The following PTPRM variants were observed in gnomAD, a reference collection of about 807,000 sequenced individuals.
PTPRM encodes the protein receptor-type tyrosine-protein phosphatase mu.
Under a neutral mutation model 186.7 loss-of-function variants are expected in PTPRM, and 47 were observed. The observed-to-expected ratio is 0.25, with a 90% CI of 0.20 to 0.32. The LOEUF (loss-of-function observed/expected upper bound fraction) is 0.32. PTPRM is among the 10% of genes least tolerant of loss of function. The pLI, the probability that PTPRM is intolerant of heterozygous loss-of-function variation, is 1.00. For synonymous variants in PTPRM, 668 were observed against 674.9 expected, an observed-to-expected ratio of 0.99 and a Z score of 0.16; for missense variants, 1,494 against 1,865.0, an observed-to-expected ratio of 0.80 and a Z score of 3.66.
intron 2 of PTPRM, among the ~76,000 whole-genome samples, chr18:7,849,033 C>G (rs998579542): frequency 3.3e-5 from 5 of 152,070 alleles, no homozygotes; most frequent in African/African-American, 1.2e-4. Context: ...CTTTTCCTCT[C>G]CCCTGCCACA....
Position 8,343,445 on chromosome 18 carries a change from T to TG in PTPRM, c.2980dup (p.Asp994GlyfsTer35). On this transcript the variant is annotated frameshift_variant, in exon 23 of 33. Transcript: ENST00000580170. LOFTEE classifies it high-confidence loss of function. ...CAGGGCCAATGCAGGAAACCATCTA[T>TG]GACTTCTGGAGGATGGTGTGGCACG... The TG allele has an allele frequency of 6.2e-7, 1 of 1,613,936 alleles. No homozygotes were observed. The highest frequency in any genetic ancestry group is 8.5e-7 in the Non-Finnish European group (1 of 1,179,918).
At chr18:7,919,785 G>T (rs550762226) in intron 4 of PTPRM, among the ~76,000 whole-genome samples, 2 of 152,096 alleles carry the variant, frequency 1.3e-5, no homozygotes, top group African/African-American at 4.8e-5. Flanking sequence ...CTGTCTGAAT[G>T]ATTGGTCTGT....
At chr18:7,984,682 TTA>T (rs71354584) in intron 7 of PTPRM, among the ~76,000 whole-genome samples, 43,267 of 126,586 alleles carry the variant, frequency 0.34, 8,131 homozygotes, top group Non-Finnish European at 0.43. Flanking sequence ...ACATATATAA[TTA>T]TATATATACA....
rs200251579 is a variant in PTPRM, at chr18:7,651,559, G to C, written c.73+83668G>C. ...GTACTGGTACCAAAACAGAGATATAGATCAATGGAACAGAACAGAGCCCTC... is the reference window on the plus strand; with the variant it reads ...GTACTGGTACCAAAACAGAGATATACATCAATGGAACAGAACAGAGCCCTC... On this transcript the variant is annotated intron_variant, in intron 1 of 32. Coordinates refer to ENST00000580170, the MANE Select transcript of PTPRM (RefSeq NM_001105244.2). Among the ~76,000 whole-genome samples the C allele has an allele frequency of 2.6e-5, 4 of 151,918 alleles. No homozygotes were observed. The East Asian group carries it at 7.8e-4, about 29-fold the overall frequency.
intron 19 of PTPRM, among the ~76,000 whole-genome samples, chr18:8,269,701 A>G (rs2147608464): frequency 6.6e-6 from 1 of 152,182 alleles, no homozygotes. Flanking sequence ...AGACCAATGG[A>G]ACAGAATTAG....
intron 26 of PTPRM, chr18:8,377,833 ACTT>A (rs1315600369): frequency 6.5e-6 from 1 of 154,116 alleles, no homozygotes; most frequent in African/African-American, 2.4e-5. Context: ...TGAAATAAGA[ACTT>A]CTAAGTACTT....
chr18:7,852,813 A>G (rs1162598132), intron 2 of PTPRM, among the ~76,000 whole-genome samples: 1 of 152,228 alleles, frequency 6.6e-6, no homozygotes, highest in African/African-American at 2.4e-5. Context: ...GCACTGAACT[A>G]TGATCACACC....
intron 2 of PTPRM, among the ~76,000 whole-genome samples, chr18:7,824,527 T>C (rs1473231821): frequency 6.6e-6 from 1 of 152,206 alleles, no homozygotes; most frequent in East Asian, 1.9e-4. Context: ...GCTCGTTTTT[T>C]CCCCTTGTAA....
chr18:8,071,242 A>G (rs1006720676), intron 8 of PTPRM, among the ~76,000 whole-genome samples: 6 of 152,146 alleles, frequency 3.9e-5, no homozygotes, highest in Admixed American at 3.9e-4. Context: ...TGGTGTCCAC[A>G]TTGTCATCAA....
intron 2 of PTPRM, among the ~76,000 whole-genome samples, chr18:7,858,704 A>T (rs1297038106): frequency 6.6e-6 from 1 of 152,214 alleles, no homozygotes; most frequent in Admixed American, 6.5e-5. Context: ...TTTGGAGAGA[A>T]GTCTTGAAAT....
chr18:8,005,112 G>A (rs1015055990), intron 7 of PTPRM, among the ~76,000 whole-genome samples: 2 of 152,156 alleles, frequency 1.3e-5, no homozygotes, highest in African/African-American at 4.8e-5. Context: ...TTTAAAGAAT[G>A]GTCCTTTGGG....
At chr18:8,156,225 C>T (rs1312818949) in intron 14 of PTPRM, among the ~76,000 whole-genome samples, 2 of 152,130 alleles carry the variant, frequency 1.3e-5, no homozygotes, top group East Asian at 1.9e-4. Context: ...TATTTCTTGA[C>T]TCAACCTAAT....
chr18:7,929,188 C>T (rs944579726), intron 5 of PTPRM, among the ~76,000 whole-genome samples: 1 of 152,164 alleles, frequency 6.6e-6, no homozygotes, highest in African/African-American at 2.4e-5. Flanking sequence ...AAATACAACA[C>T]ACATTCTAAA....
intron 5 of PTPRM, among the ~76,000 whole-genome samples, chr18:7,934,526 T>G (rs1244350544): frequency 1.3e-5 from 2 of 152,240 alleles, no homozygotes; most frequent in East Asian, 1.9e-4. Flanking sequence ...TTCACTGATC[T>G]ACCATAGAAT....
At chr18:7,629,229 G>C (rs2038133334) in intron 1 of PTPRM, among the ~76,000 whole-genome samples, 1 of 152,162 alleles carries the variant, frequency 6.6e-6, no homozygotes, top group Non-Finnish European at 1.5e-5. Flanking sequence ...TCAATGTAGG[G>C]AAGAACCATC....
At chr18:7,778,670 A>G (rs28435640) in intron 2 of PTPRM, among the ~76,000 whole-genome samples, 2,410 of 151,912 alleles carry the variant, frequency 0.016, 41 homozygotes, top group African/African-American at 0.049. Flanking sequence ...AGTAGAGACG[A>G]GGTTTCACGG....
chr18:8,308,676 A>G (rs747718815), intron 20 of PTPRM, among the ~76,000 whole-genome samples: 3 of 152,208 alleles, frequency 2.0e-5, no homozygotes, highest in Non-Finnish European at 4.4e-5. Flanking sequence ...CAGATACCCT[A>G]TTAGACAGTA....
rs200778159 is a variant in PTPRM, at chr18:7,699,649, A to G, written c.74-74500A>G. Among the ~76,000 whole-genome samples, 15 of 151,840 alleles carry G rather than the reference A, an allele frequency of 9.9e-5. No homozygotes were observed. In the East Asian group the frequency reaches 2.7e-3, roughly 27 times the overall value. On this transcript the variant is annotated intron_variant, in intron 1 of 32. Transcript: ENST00000580170. ...GGTCTCAAACTCCTGACTGCAGGTG[A>G]TCTGCCTGCTGGGATTACAAGTGTG...
chr18:7,873,787 C>CATT (rs2048092317), intron 2 of PTPRM, among the ~76,000 whole-genome samples: 1 of 152,132 alleles, frequency 6.6e-6, no homozygotes, highest in Admixed American at 6.5e-5. Context: ...TGACCATGAT[C>CATT]ATTAATAAAT....
Sources: gnomAD v4.1 joint callset for allele counts (sites outside exome capture counted in the v4.1 genomes callset) on GRCh38, gnomAD v4.1.1 for gene constraint, MANE v1.5 for transcripts, NCBI Gene and HGNC (gene_info 2026-07-23, HGNC 2026-07-21) for gene names.